LRRC1: variants seen among roughly 807,000 people sequenced by gnomAD.
LRRC1 encodes leucine rich repeat containing 1, also known as leucine-rich repeat-containing protein 1.
In LRRC1, 28 loss-of-function variants were observed where a neutral mutation model predicts 69.9. The ratio of observed to expected loss-of-function variants is 0.40; its 90% CI spans 0.30 to 0.55. The LOEUF (loss-of-function observed/expected upper bound fraction) is 0.55. Ranked by LOEUF, LRRC1 falls within the 20% of genes least tolerant of loss-of-function variation. The probability of loss-of-function intolerance (pLI) is 0.47; values close to 1 mark genes in which losing one functional copy is unlikely to be tolerated. For synonymous variants in LRRC1, 236 were observed against 240.2 expected, an observed-to-expected ratio of 0.98 and a Z score of 0.16; for missense variants, 498 against 609.0, an observed-to-expected ratio of 0.82 and a Z score of 1.92.
chr6:53,836,788 A>G (rs1765623618), intron 1 of LRRC1, among the ~76,000 whole-genome samples: 1 of 152,202 alleles, frequency 6.6e-6, no homozygotes, highest in Admixed American at 6.5e-5. Flanking sequence ...ACTTGTATCA[A>G]ATTACATATT....
chr6:53,865,900 T>G (rs1766687919), intron 2 of LRRC1, among the ~76,000 whole-genome samples: 1 of 151,988 alleles, frequency 6.6e-6, no homozygotes, highest in Non-Finnish European at 1.5e-5. Context: ...TTTTGTATTT[T>G]TAGTAGAGAT....
rs6149589 is a variant in LRRC1, at chr6:53,862,286, CGTGTGTGTGTGTGT to C, written c.278-16680_278-16667del. ...TCTTGAAGTAGCCATTAACCTGAAT[CGTGTGTGTGTGTGT>C]GTGTGTGTGTGTGTGTGTGTGTGTG... is the stretch of plus-strand genomic sequence containing the variant. On this transcript the variant is annotated intron_variant, in intron 2 of 13. Transcript: ENST00000370888. Among the ~76,000 whole-genome samples, 47 of 144,360 alleles carry C rather than the reference CGTGTGTGTGTGTGT, an allele frequency of 3.3e-4. No individual in the cohort carries two copies. In the East Asian group the frequency reaches 8.3e-3, roughly 25 times the overall value. 94.7% of individuals were successfully genotyped at this position (144,360 alleles called of 152,430 possible).
At chr6:53,801,703 G>C (rs186650104) in intron 1 of LRRC1, among the ~76,000 whole-genome samples, 1 of 152,144 alleles carries the variant, frequency 6.6e-6, no homozygotes, top group East Asian at 1.9e-4. Flanking sequence ...TCTGGGGTTA[G>C]TGGAGATTAG....
rs149646920 is a variant in LRRC1, at chr6:53,826,306, T to A, written c.160-15804T>A. Among the ~76,000 whole-genome samples the A allele has an allele frequency of 2.0e-3, 296 of 151,648 alleles. 3 individuals carry two copies. In the East Asian group the frequency reaches 0.041, roughly 21 times the overall value. On this transcript the variant is annotated intron_variant, in intron 1 of 13. Coordinates refer to ENST00000370888, the MANE Select transcript of LRRC1 (RefSeq NM_018214.5). ...AAAGAGGCCATGCCTTCTTACAACC[T>A]AGAGCCTAATTTTGGTTTATGTTAA...
chr6:53,853,529 C>T (rs1032977614), intron 2 of LRRC1, among the ~76,000 whole-genome samples: 1 of 152,046 alleles, frequency 6.6e-6, no homozygotes, highest in African/African-American at 2.4e-5. Flanking sequence ...AGGTTATCCA[C>T]CTGCCTTGGC....
chr6:53,862,601 G>A (rs762325391), intron 2 of LRRC1, among the ~76,000 whole-genome samples: 10 of 152,174 alleles, frequency 6.6e-5, no homozygotes, highest in East Asian at 1.9e-4. Context: ...TTCTGCCAGC[G>A]CAAGTACCAA....
At chr6:53,827,186 G>T (rs1288165447) in intron 1 of LRRC1, among the ~76,000 whole-genome samples, 1 of 151,974 alleles carries the variant, frequency 6.6e-6, no homozygotes, top group Non-Finnish European at 1.5e-5. Context: ...CCCAAAAGCT[G>T]CTCTCTCTGC....
intron 1 of LRRC1, among the ~76,000 whole-genome samples, chr6:53,808,207 C>T (rs959984108): frequency 6.6e-6 from 1 of 152,180 alleles, no homozygotes; most frequent in African/African-American, 2.4e-5. Flanking sequence ...TGAAGTGCTG[C>T]TGGTGACGTT....
intron 4 of LRRC1, among the ~76,000 whole-genome samples, chr6:53,891,256 T>G (rs1767670180): frequency 1.3e-5 from 2 of 152,094 alleles, no homozygotes; most frequent in African/African-American, 2.4e-5. Context: ...TAGAAAGTCA[T>G]GTTTTTTTTT....
intron 11 of LRRC1, chr6:53,919,084 T>C (rs935537058): frequency 6.5e-6 from 1 of 153,170 alleles, no homozygotes; most frequent in African/African-American, 2.4e-5. Flanking sequence ...ATCCTGCAGC[T>C]TCACACCAGC....
chr6:53,903,118 T>C (rs1029249038), intron 9 of LRRC1, among the ~76,000 whole-genome samples: 15 of 152,128 alleles, frequency 9.9e-5, no homozygotes, highest in African/African-American at 3.6e-4. Flanking sequence ...CTGGGTTCTT[T>C]GAGCAAATGG....
At chr6:53,825,130 A>T (rs1765221145) in intron 1 of LRRC1, among the ~76,000 whole-genome samples, 1 of 152,152 alleles carries the variant, frequency 6.6e-6, no homozygotes, top group African/African-American at 2.4e-5. Flanking sequence ...CCTCTGCACT[A>T]CTTAGTGTTG....
chr6:53,878,945 A>G (rs1767168181), intron 2 of LRRC1, 48 bp from the exon 3 acceptor site: 2 of 1,154,146 alleles, frequency 1.7e-6, no homozygotes, highest in Non-Finnish European at 1.3e-6. Context: ...AGTGATGAAA[A>G]CTGTTAATAA....
intron 2 of LRRC1, among the ~76,000 whole-genome samples, chr6:53,867,293 A>C (rs1766732849): frequency 6.6e-6 from 1 of 152,050 alleles, no homozygotes; most frequent in South Asian, 2.1e-4. Flanking sequence ...CAGTTTTATG[A>C]TCAGGGTGGT....
chr6:53,916,204 G>A (rs992667020), intron 11 of LRRC1, among the ~76,000 whole-genome samples: 1 of 152,216 alleles, frequency 6.6e-6, no homozygotes, highest in Non-Finnish European at 1.5e-5. Context: ...TATCCACCAA[G>A]TGTGCAAAAC....
At chr6:53,910,963 G>A (rs149001130) in intron 10 of LRRC1, among the ~76,000 whole-genome samples, 30 of 152,214 alleles carry the variant, frequency 2.0e-4, no homozygotes, top group Non-Finnish European at 2.5e-4. Flanking sequence ...GTGAATGTTC[G>A]CTGGGACAGC....
At chr6:53,825,610 T>G (rs1398555189) in intron 1 of LRRC1, among the ~76,000 whole-genome samples, 5 of 152,178 alleles carry the variant, frequency 3.3e-5, no homozygotes. Flanking sequence ...CGGACTTGGC[T>G]GTTCATGAGA....
chr6:53,863,172 C>T (rs1766586887), intron 2 of LRRC1, among the ~76,000 whole-genome samples: 1 of 152,172 alleles, frequency 6.6e-6, no homozygotes, highest in Non-Finnish European at 1.5e-5. Flanking sequence ...TTTTGAATTC[C>T]ATTCTTGGCC....
chr6:53,879,903 G>A (rs1767225430), intron 3 of LRRC1, among the ~76,000 whole-genome samples: 2 of 152,142 alleles, frequency 1.3e-5, no homozygotes, highest in Admixed American at 6.5e-5. Flanking sequence ...ACTGAATTGT[G>A]CCCACGTGCA....
Sources: allele counts gnomAD v4.1 joint callset (sites outside exome capture counted in the v4.1 genomes callset), GRCh38; gene constraint gnomAD v4.1.1; transcripts MANE v1.5; gene names NCBI Gene and HGNC (gene_info 2026-07-23, HGNC 2026-07-21).